RASA2: variants seen among roughly 807,000 people sequenced by gnomAD.
RASA2 encodes ras GTPase-activating protein 2.
Under a neutral mutation model 118.2 loss-of-function variants are expected in RASA2, and 155 were observed. The ratio of observed to expected loss-of-function variants is 1.31; its 90% confidence interval spans 1.15 to 1.50. The LOEUF is 1.50. Among genes scored for constraint, RASA2 ranks in the 40% most tolerant of loss-of-function variants. RASA2 has a pLI of 0.00. For missense variants in RASA2, 1,016 were observed against 1,009.6 expected (o/e 1.01, Z -0.09); for synonymous variants, 353 against 349.1 (o/e 1.01, Z -0.12).
chr3:141,585,877 A>G, intron 17 of RASA2, 148 bp from the exon 18 acceptor site: 2 of 473,382 alleles, frequency 4.2e-6, no homozygotes, highest in Non-Finnish European at 3.7e-6. Flanking sequence ...TCTCTAATTA[A>G]ATATGTGTTT....
At chr3:141,559,271 G>A (rs138250060) in intron 8 of RASA2, among the ~76,000 whole-genome samples, 2 of 152,056 alleles carry the variant, frequency 1.3e-5, no homozygotes, top group Non-Finnish European at 2.9e-5. Context: ...TGGATGGAAA[G>A]GAAGTTATAT....
intron 1 of RASA2, 111 bp downstream of exon 1, chr3:141,487,327 G>C: frequency 8.6e-7 from 1 of 1,166,000 alleles, no homozygotes; most frequent in Non-Finnish European, 1.1e-6. Context: ...TCGCGGGCCC[G>C]GGAGGGGGCC....
chr3:141,530,858 A>G (rs2082249721), intron 4 of RASA2, among the ~76,000 whole-genome samples: 1 of 152,146 alleles, frequency 6.6e-6, no homozygotes, highest in South Asian at 2.1e-4. Context: ...AGTATTGTAA[A>G]TGATCCATGT....
chr3:141,558,876 T>A lies in RASA2; in HGVS notation c.685-10T>A. The stretch of plus-strand genomic sequence containing the variant: ...TAAAAAAAATTTTTACTAAAATATT[T>A]TGTTTACAGGTAACCAGATCCAGTA... On this transcript the variant is annotated splice_polypyrimidine_tract_variant and intron_variant, in intron 7 of 23. Coordinates refer to ENST00000286364, the MANE Select transcript of RASA2 (RefSeq NM_006506.5). The A allele has an allele frequency of 6.4e-7, 1 of 1,574,596 alleles. No homozygotes were observed. Among genetic ancestry groups the A allele is most frequent in the Non-Finnish European group, 8.7e-7 (1 of 1,147,990 alleles).
chr3:141,580,085 A>AAAAATATATATAT (rs1553797703), intron 15 of RASA2, among the ~76,000 whole-genome samples: 2 of 59,598 alleles, frequency 3.4e-5, no homozygotes, highest in African/African-American at 6.8e-5. Flanking sequence ...AAAAAAAAAA[A>AAAAATATATATAT]ATATATATAT....
chr3:141,499,422 CCACACA>C (rs145887423), intron 1 of RASA2, among the ~76,000 whole-genome samples: 3 of 151,208 alleles, frequency 2.0e-5, no homozygotes, highest in African/African-American at 7.3e-5. Context: ...GGTTTTATAG[CCACACA>C]CACACACACG....
rs763494545 is a variant in RASA2, at chr3:141,501,353, G to C, written c.134-10810G>C. Among the ~76,000 whole-genome samples the C allele has an allele frequency of 3.9e-5, 6 of 152,306 alleles. No individual in the cohort carries two copies. The South Asian group carries it at 1.2e-3, about 32-fold the overall frequency. ...TTTTTGGTCAGGAGCTAATGGCTTGGATGAAGGGAATTGTATATAGATGCT... is the reference window on the plus strand; with the variant it reads ...TTTTTGGTCAGGAGCTAATGGCTTGCATGAAGGGAATTGTATATAGATGCT... On this transcript the variant is annotated intron_variant, in intron 1 of 23. Transcript: ENST00000286364.
intron 4 of RASA2, among the ~76,000 whole-genome samples, chr3:141,540,213 T>C (rs925097521): frequency 6.6e-6 from 1 of 152,190 alleles, no homozygotes; most frequent in Non-Finnish European, 1.5e-5. Flanking sequence ...ATTTTATAAT[T>C]TGGTTTTATC....
chr3:141,534,313 T>C (rs2082298220), intron 4 of RASA2, among the ~76,000 whole-genome samples: 1 of 152,158 alleles, frequency 6.6e-6, no homozygotes, highest in African/African-American at 2.4e-5. Flanking sequence ...GGCAGACAGA[T>C]TGCTTGAGCC....
intron 19 of RASA2, among the ~76,000 whole-genome samples, chr3:141,598,588 A>G (rs2083412106): frequency 6.6e-6 from 1 of 152,214 alleles, no homozygotes. Flanking sequence ...ATAGTGTTAT[A>G]TTGAAACTCC....
chr3:141,506,689 G>A (rs1374235639), intron 1 of RASA2, among the ~76,000 whole-genome samples: 2 of 151,084 alleles, frequency 1.3e-5, no homozygotes, highest in East Asian at 3.9e-4. Context: ...AAGGCAGGCA[G>A]ATCTCTTGAA....
At chr3:141,566,886 AT>A (rs1484317681) in intron 9 of RASA2, among the ~76,000 whole-genome samples, 1 of 152,188 alleles carries the variant, frequency 6.6e-6, no homozygotes, top group Non-Finnish European at 1.5e-5. Context: ...TCTCTAGTCA[AT>A]ATCCATGGAA....
chr3:141,556,004 T>G, intron 7 of RASA2, 92 bp downstream of exon 7: 1 of 990,042 alleles, frequency 1.0e-6, no homozygotes, highest in Non-Finnish European at 1.5e-6. Context: ...ATAGTAATCA[T>G]TTTATCAATT....
At position 141,574,046 on chromosome 3, in the gene RASA2, A is replaced by G. The variant is rs531500512; in HGVS notation, c.1462A>G (p.Met488Val). 3 of 1,504,454 alleles carry G rather than the reference A, an allele frequency of 2.0e-6. No individual in the cohort carries two copies. The highest frequency in any genetic ancestry group is 2.5e-5 in the East Asian group (1 of 40,522). 93.2% of individuals were successfully genotyped at this position (1,504,454 alleles called of 1,614,324 possible). Residue 488 changes from methionine (M) to valine (V), a missense_variant, in exon 14 of 24, where the codon ATG becomes GTG. Met to Val is a conservative substitution (Grantham distance 21). This residue lies in a region of RASA2 where 896 missense variants were observed against 836.4 expected (regional missense o/e 1.07). Coordinates refer to ENST00000286364, the MANE Select transcript of RASA2 (RefSeq NM_006506.5). Reference protein sequence around the residue: ...MCDIFYSLRQMATQRFPNDPH... With the variant: ...MCDIFYSLRQVATQRFPNDPH... ...TGATATCTTTTATTCTCTAAGGCAG[A>G]TGGCTACTCAGAGATTTCCTAGTAA...
chr3:141,607,892 A>G (rs2083573314), intron 20 of RASA2, 132 bp downstream of exon 20: 1 of 1,109,478 alleles, frequency 9.0e-7, no homozygotes, highest in Non-Finnish European at 1.2e-6. Context: ...CAAATTTTCA[A>G]GAAGTTGTTT....
rs564233919 is a variant in RASA2 at position 141,596,634 on chromosome 3, G to A, written c.1933+9882G>A. Among the ~76,000 whole-genome samples the A allele has an allele frequency of 5.9e-5, 9 of 152,250 alleles. No homozygotes were observed. The South Asian group carries it at 1.7e-3, about 28-fold the overall frequency. Reference sequence around the variant, plus strand: ...CAAAAACCCAATTTAAAAAGAGGACGATAGATATGAACAAACATTTTATCA... The same window carrying A: ...CAAAAACCCAATTTAAAAAGAGGACAATAGATATGAACAAACATTTTATCA... On this transcript the variant is annotated intron_variant, in intron 19 of 23. Coordinates refer to ENST00000286364, the MANE Select transcript of RASA2 (RefSeq NM_006506.5).
At chr3:141,597,022 A>G (rs2107788654) in intron 19 of RASA2, among the ~76,000 whole-genome samples, 1 of 152,360 alleles carries the variant, frequency 6.6e-6, no homozygotes, top group East Asian at 1.9e-4. Context: ...GTTATTCACA[A>G]TAGCCAAAAA....
intron 4 of RASA2, among the ~76,000 whole-genome samples, chr3:141,539,890 C>T (rs1279757710): frequency 1.3e-5 from 2 of 152,050 alleles, no homozygotes; most frequent in Non-Finnish European, 2.9e-5. Context: ...TTCAGTGTCC[C>T]ATCTTTCCAT....
intron 5 of RASA2, among the ~76,000 whole-genome samples, chr3:141,546,168 G>A: frequency 6.6e-6 from 1 of 152,170 alleles, no homozygotes; most frequent in East Asian, 1.9e-4. Context: ...GTAACCATGA[G>A]AGCGCAGATA....
Sources: gnomAD v4.1 joint callset for allele counts (sites outside exome capture counted in the v4.1 genomes callset) on GRCh38, gnomAD v4.1.1 for gene constraint, gnomAD v4.1.1 regional missense constraint, MANE v1.5 for transcripts, NCBI Gene and HGNC (gene_info 2026-07-23, HGNC 2026-07-21) for gene names.